The following PDE10A variants were observed in gnomAD, a reference collection of about 807,000 sequenced individuals.
The protein encoded by PDE10A is phosphodiesterase 10A.
Under a neutral mutation model 97.7 loss-of-function variants are expected in PDE10A, and 39 were observed. That is an observed-to-expected ratio of 0.40 (90% confidence interval 0.31 to 0.52). The LOEUF (loss-of-function observed/expected upper bound fraction) is 0.52. Ranked by LOEUF, PDE10A falls within the 20% of genes least tolerant of loss-of-function variation. The pLI is 0.56. For missense variants in PDE10A, 731 were observed against 1,047.8 expected (o/e 0.70, Z 4.17); for synonymous variants, 371 against 376.8 (o/e 0.98, Z 0.18).
chr6:165,668,064 C>G (rs887549133), upstream of PDE10A, among the ~76,000 whole-genome samples: 2 of 152,182 alleles, frequency 1.3e-5, no homozygotes, highest in African/African-American at 4.8e-5. Flanking sequence ...CAAACTTTTA[C>G]AAGTCAAATA....
At chr6:165,524,524 G>A (rs1452796067) in intron 2 of PDE10A, among the ~76,000 whole-genome samples, 1 of 152,136 alleles carries the variant, frequency 6.6e-6, no homozygotes, top group Non-Finnish European at 1.5e-5. Flanking sequence ...GACCATATGT[G>A]GAGAACCAAG....
intron 1 of PDE10A, among the ~76,000 whole-genome samples, chr6:165,599,754 C>G (rs1176796542): frequency 6.6e-6 from 1 of 152,220 alleles, no homozygotes; most frequent in Non-Finnish European, 1.5e-5. Context: ...GGGTCACAGG[C>G]AGGAGCAGGA....
At chr6:165,393,379 A>C (rs1785875346) in intron 15 of PDE10A, among the ~76,000 whole-genome samples, 1 of 151,500 alleles carries the variant, frequency 6.6e-6, no homozygotes, top group Non-Finnish European at 1.5e-5. Context: ...ATTTTATTAC[A>C]TATAGTTATA....
At chr6:165,756,951 C>T (rs1381299803) in intron 1 of PDE10A, among the ~76,000 whole-genome samples, 1 of 149,090 alleles carries the variant, frequency 6.7e-6, no homozygotes, top group Non-Finnish European at 1.5e-5. Flanking sequence ...TCCCTGACCC[C>T]GCTTTTTCCA....
At chr6:165,968,948 C>T (rs1454133365) in intron 1 of PDE10A, among the ~76,000 whole-genome samples, 1 of 152,128 alleles carries the variant, frequency 6.6e-6, no homozygotes, top group African/African-American at 2.4e-5. Context: ...ACCAGGTTTG[C>T]ACTTAAGAAT....
intron 1 of PDE10A, among the ~76,000 whole-genome samples, chr6:165,752,113 A>T (rs1583037814): frequency 8.1e-6 from 1 of 124,182 alleles, no homozygotes; most frequent in East Asian, 2.5e-4. Context: ...ACTGCACTCC[A>T]GCCTGGGCAA....
chr6:165,768,639 T>A (rs1226844321), intron 1 of PDE10A, among the ~76,000 whole-genome samples: 5 of 152,244 alleles, frequency 3.3e-5, no homozygotes, highest in South Asian at 2.1e-4. Context: ...ATATATTTTT[T>A]AAAAAATTAG....
At position 165,628,954 on chromosome 6, in the gene PDE10A, C is replaced by A. The variant is rs1788508225; in HGVS notation, c.865+32993G>T. ...ATTATCAGAGGGCAACAGATCCATG[C>A]ATTTAAAAGCTAAGACTTTTGTTAC... On this transcript the variant is annotated intron_variant, in intron 1 of 21. Coordinates refer to ENST00000539869, the MANE Select transcript of PDE10A (RefSeq NM_001385079.1). Among the ~76,000 whole-genome samples the A allele has an allele frequency of 5.3e-5, 8 of 151,886 alleles. 1 individual carries two copies. The South Asian group carries it at 1.7e-3, about 32-fold the overall frequency.
chr6:165,884,604 T>A (rs1478670185), intron 1 of PDE10A, among the ~76,000 whole-genome samples: 1 of 152,212 alleles, frequency 6.6e-6, no homozygotes, highest in East Asian at 1.9e-4. Context: ...TCAACTTATA[T>A]CACATGGGTT....
chr6:165,469,269 C>A (rs1232605556), intron 3 of PDE10A, among the ~76,000 whole-genome samples: 6 of 152,158 alleles, frequency 3.9e-5, no homozygotes, highest in Non-Finnish European at 8.8e-5. Context: ...CTGTCTTTAG[C>A]AAGCATTTCC....
intron 1 of PDE10A, among the ~76,000 whole-genome samples, chr6:165,632,304 A>G (rs1043497811): frequency 6.6e-6 from 1 of 151,692 alleles, no homozygotes. Context: ...CTTGGTCTTG[A>G]ATCATAGGAA....
chr6:165,983,898 G>A (rs550552077), intron 1 of PDE10A, among the ~76,000 whole-genome samples: 62 of 152,172 alleles, frequency 4.1e-4, no homozygotes, highest in Non-Finnish European at 7.3e-4. Flanking sequence ...CTGGCCTCCC[G>A]GTTTCCCATT....
At position 165,475,558 on chromosome 6, in the gene PDE10A, C is replaced by T. The variant is rs568346280; in HGVS notation, c.1023+6757G>A. On this transcript the variant is annotated intron_variant, in intron 3 of 21. Coordinates refer to ENST00000539869, the MANE Select transcript of PDE10A (RefSeq NM_001385079.1). ...ACATTCACTAAGAACTTAATGAAAA[C>T]GTCTCCTTCCCAAGAAAATTACACT... is the stretch of plus-strand genomic sequence containing the variant. Among the ~76,000 whole-genome samples, 53 of 152,270 alleles carry T rather than the reference C, an allele frequency of 3.5e-4. 1 individual carries two copies. The highest frequency in any genetic ancestry group is 1.9e-3 in the South Asian group (9 of 4,820).
intron 1 of PDE10A, among the ~76,000 whole-genome samples, chr6:165,871,810 T>G (rs2128478616): frequency 1.3e-5 from 2 of 151,752 alleles, no homozygotes; most frequent in South Asian, 2.1e-4. Flanking sequence ...TGGAGGGGAG[T>G]GCTTTGATCC....
At chr6:165,361,054 G>A (rs536808681) in intron 18 of PDE10A, among the ~76,000 whole-genome samples, 1 of 152,150 alleles carries the variant, frequency 6.6e-6, no homozygotes, top group African/African-American at 2.4e-5. Context: ...GAAAGAAAAG[G>A]CAAACAGATT....
chr6:165,823,499 T>TGAACCTTA (rs1779633583), intron 1 of PDE10A, among the ~76,000 whole-genome samples: 2 of 71,998 alleles, frequency 2.8e-5, no homozygotes, highest in Non-Finnish European at 6.9e-5. Flanking sequence ...TATATATATA[T>TGAACCTTA]ATATATATAT....
intron 1 of PDE10A, among the ~76,000 whole-genome samples, chr6:165,570,026 T>C (rs1341209547): frequency 6.6e-6 from 1 of 152,108 alleles, no homozygotes; most frequent in Non-Finnish European, 1.5e-5. Flanking sequence ...TAAATTGTGT[T>C]CCTCCAAAAT....
At chr6:165,577,645 C>G (rs1275459194) in intron 1 of PDE10A, among the ~76,000 whole-genome samples, 2 of 152,210 alleles carry the variant, frequency 1.3e-5, no homozygotes, top group African/African-American at 4.8e-5. Flanking sequence ...GAGCTCCCCA[C>G]ACGTGGGCCG....
At chr6:165,708,554 C>G (rs6939581) in intron 1 of PDE10A, among the ~76,000 whole-genome samples, 3 of 152,072 alleles carry the variant, frequency 2.0e-5, no homozygotes, top group East Asian at 1.9e-4. Context: ...CCTCCACCCC[C>G]ACGCCTGCAT....
Sources: allele counts gnomAD v4.1 joint callset (sites outside exome capture counted in the v4.1 genomes callset), GRCh38; gene constraint gnomAD v4.1.1; transcripts MANE v1.5; gene names NCBI Gene and HGNC (gene_info 2026-07-23, HGNC 2026-07-21).